The following ANKRD13C variants were observed in gnomAD, a reference collection of about 807,000 sequenced individuals.
ANKRD13C encodes the protein ankyrin repeat domain 13C, also known as ankyrin repeat domain-containing protein 13C.
Under a neutral mutation model 65.5 loss-of-function variants are expected in ANKRD13C, and 16 were observed. The ratio of observed to expected loss-of-function variants is 0.24; its 90% CI spans 0.17 to 0.37. The LOEUF is 0.37. ANKRD13C is among the 10% of genes least tolerant of loss of function. ANKRD13C has a pLI of 1.00. For missense variants in ANKRD13C, 503 were observed against 655.9 expected (o/e 0.77, Z 2.55); for synonymous variants, 235 against 238.7 (o/e 0.98, Z 0.14).
At chr1:70,338,974 T>C (rs1319454854) in intron 1 of ANKRD13C, among the ~76,000 whole-genome samples, 1 of 152,144 alleles carries the variant, frequency 6.6e-6, no homozygotes. Flanking sequence ...ACAGTCACCG[T>C]ACTTTGGAAA....
chr1:70,289,568 G>A (rs1391747892), intron 9 of ANKRD13C, among the ~76,000 whole-genome samples: 3 of 151,476 alleles, frequency 2.0e-5, no homozygotes, highest in Non-Finnish European at 2.9e-5. Flanking sequence ...GGGGGTTCAC[G>A]CCATTTTTCT....
At position 70,326,933 on chromosome 1, in the gene ANKRD13C, T is replaced by C. The variant is rs146323140; in HGVS notation, c.473-1976A>G. 3.6e-4 allele frequency among the ~76,000 whole-genome samples: 55 copies of C among 151,816 alleles called. No homozygotes were observed. In the East Asian group the frequency reaches 4.4e-3, roughly 12 times the overall value. The stretch of plus-strand genomic sequence containing the variant: ...AAATAAAAGGGTGGGCAATAAGTTC[T>C]TACTTACAGAATAATGCAATGCTAC... On this transcript the variant is annotated intron_variant, in intron 2 of 12. Coordinates refer to ENST00000370944, the MANE Select transcript of ANKRD13C (RefSeq NM_030816.5).
At chr1:70,327,559 C>A (rs1681594097) in intron 2 of ANKRD13C, among the ~76,000 whole-genome samples, 1 of 152,112 alleles carries the variant, frequency 6.6e-6, no homozygotes, top group African/African-American at 2.4e-5. Context: ...TATAAAAAAC[C>A]TATAAATGAC....
chr1:70,353,868 G>T, intron 1 of ANKRD13C, 111 bp downstream of exon 1: 1 of 1,362,998 alleles, frequency 7.3e-7, no homozygotes. Context: ...CGGCCCGGAT[G>T]ATGGGCAAAA....
At chr1:70,268,417 C>T (rs1390255187) in intron 12 of ANKRD13C, among the ~76,000 whole-genome samples, 5 of 152,164 alleles carry the variant, frequency 3.3e-5, no homozygotes, top group Non-Finnish European at 5.9e-5. Context: ...CTGCCTTGGC[C>T]TCCCAAAGTG....
At chr1:70,344,285 G>A (rs1318264821) in intron 1 of ANKRD13C, among the ~76,000 whole-genome samples, 3 of 108,622 alleles carry the variant, frequency 2.8e-5, no homozygotes, top group Non-Finnish European at 3.7e-5. Flanking sequence ...AACAGAGCAA[G>A]ATTCCATCTC....
At position 70,274,211 on chromosome 1, in the gene ANKRD13C, C is replaced by A. The variant is rs1013690368; in HGVS notation, c.1394+509G>T. ...CTACTCGGCTGGGCGTGGTGGCTCA[C>A]GCCTGTAATCCCAGCACTTTGGGAG... is the stretch of plus-strand genomic sequence containing the variant. On this transcript the variant is annotated intron_variant, in intron 11 of 12. Transcript: ENST00000370944. 3.3e-5 allele frequency among the ~76,000 whole-genome samples: 5 copies of A among 151,554 alleles called. No homozygotes were observed. In the East Asian group the frequency reaches 9.8e-4, roughly 30 times the overall value.
intron 12 of ANKRD13C, among the ~76,000 whole-genome samples, chr1:70,268,969 A>G (rs1218502457): frequency 2.0e-5 from 3 of 151,988 alleles, no homozygotes; most frequent in East Asian, 1.9e-4. Flanking sequence ...TACATGTGCC[A>G]TGCTGGTGCG....
chr1:70,350,780 T>C (rs1483464291), intron 1 of ANKRD13C, among the ~76,000 whole-genome samples: 1 of 152,366 alleles, frequency 6.6e-6, no homozygotes, highest in Non-Finnish European at 1.5e-5. Context: ...CTATGATTTA[T>C]AGCTTTGAGA....
At chr1:70,265,410 T>C (rs144744910) in intron 12 of ANKRD13C, among the ~76,000 whole-genome samples, 80 of 152,290 alleles carry the variant, frequency 5.3e-4, no homozygotes, top group African/African-American at 1.9e-3. Context: ...GAAAAGTTTC[T>C]ACTACATTTA....
At chr1:70,330,574 C>CAAAAAAAAAAAAAAAAAAAA (rs71071394) in intron 2 of ANKRD13C, among the ~76,000 whole-genome samples, 29 of 68,342 alleles carry the variant, frequency 4.2e-4, no homozygotes, top group Admixed American at 1.5e-3. Context: ...ACAAACAAAC[C>CAAAAAAAAAAAAAAAAAAAA]AAAAAAAAAA....
chr1:70,325,561 T>C (rs192618084), intron 2 of ANKRD13C, among the ~76,000 whole-genome samples: 3 of 152,266 alleles, frequency 2.0e-5, no homozygotes, highest in Non-Finnish European at 4.4e-5. Context: ...TTCTATAGGT[T>C]GAGAAAACTT....
chr1:70,324,205 A>C (rs1350880804), intron 3 of ANKRD13C, among the ~76,000 whole-genome samples: 2 of 152,236 alleles, frequency 1.3e-5, no homozygotes, highest in Non-Finnish European at 2.9e-5. Flanking sequence ...AAATATAAAG[A>C]TAATATTATC....
At chr1:70,315,701 G>A in intron 3 of ANKRD13C, 135 bp from the exon 4 acceptor site, 2 of 580,506 alleles carry the variant, frequency 3.4e-6, no homozygotes, top group East Asian at 6.2e-5. Context: ...ATGTGTATGT[G>A]TGTATCTACA....
intron 6 of ANKRD13C, 37 bp downstream of exon 6, chr1:70,306,187 A>G (rs923602141): frequency 7.0e-7 from 1 of 1,435,676 alleles, no homozygotes; most frequent in South Asian, 1.5e-5. Context: ...CTAAATCTCA[A>G]CTTTCTTTTA....
chr1:70,309,187 C>G (rs957643139), intron 5 of ANKRD13C, among the ~76,000 whole-genome samples: 2 of 151,802 alleles, frequency 1.3e-5, no homozygotes, highest in Admixed American at 1.3e-4. Flanking sequence ...ATTCTCCAGC[C>G]TCAGCCTCCT....
intron 3 of ANKRD13C, 118 bp downstream of exon 3, chr1:70,324,735 T>C: frequency 1.6e-6 from 1 of 639,186 alleles, no homozygotes. Flanking sequence ...CACATGTAAG[T>C]TTACACATAA....
intron 1 of ANKRD13C, among the ~76,000 whole-genome samples, chr1:70,342,394 C>T (rs1264572043): frequency 1.3e-5 from 2 of 151,864 alleles, no homozygotes; most frequent in African/African-American, 4.8e-5. Context: ...AAAAATTAGC[C>T]GGGCATGGTG....
At chr1:70,299,138 A>G (rs1380402812) in intron 7 of ANKRD13C, among the ~76,000 whole-genome samples, 1 of 152,190 alleles carries the variant, frequency 6.6e-6, no homozygotes, top group African/African-American at 2.4e-5. Context: ...CACCAAGTGC[A>G]TGCCCTACAG....
Sources: gnomAD v4.1 joint callset for allele counts (sites outside exome capture counted in the v4.1 genomes callset) on GRCh38, gnomAD v4.1.1 for gene constraint, MANE v1.5 for transcripts, NCBI Gene and HGNC (gene_info 2026-07-23, HGNC 2026-07-21) for gene names.